Variants in RYR3 observed in about 807,000 individuals in gnomAD.
RYR3 encodes the protein ryanodine receptor 3, also known as brain ryanodine receptor-calcium release channel.
Under a neutral mutation model 584.3 loss-of-function variants are expected in RYR3, and 207 were observed. The ratio of observed to expected loss-of-function variants is 0.35; its 90% CI spans 0.32 to 0.40. RYR3 has a LOEUF of 0.40. Among genes scored for constraint, RYR3 ranks in the 10% least tolerant of loss-of-function variants. RYR3 has a pLI of 1.00. For missense variants in RYR3, 5,616 were observed against 6,089.2 expected (o/e 0.92, Z 2.59); for synonymous variants, 2,416 against 2,248.5 (o/e 1.07, Z -2.11).
Position 33,634,474 on chromosome 15 carries a change from T to C in RYR3, c.3028-112T>C, listed in dbSNP as rs1247744758. ...GTGAAGGCACTGAGGGAAGGGCTAA[T>C]AGACCTAGAGCGACCAGAAAGCCAG... On this transcript the variant is annotated intron_variant, in intron 24 of 103. Transcript: ENST00000634891. 4.0e-6 allele frequency: 4 copies of C among 1,004,370 alleles called. No homozygotes were observed. The African/African-American group carries it at 6.4e-5, about 16-fold the overall frequency. The allele number at this position is 1,004,370 out of a possible 1,614,324, so 62.2% of individuals were successfully genotyped here. A position where few individuals can be genotyped will look rare whatever the true frequency, so the allele number is the denominator to read the frequency against.
At chr15:33,410,579 C>G (rs1260848405) in intron 1 of RYR3, among the ~76,000 whole-genome samples, 2 of 152,220 alleles carry the variant, frequency 1.3e-5, no homozygotes, top group Non-Finnish European at 2.9e-5. Flanking sequence ...TCTGTGTGTA[C>G]TTGATTGCCT....
At chr15:33,396,572 A>G (rs1171320364) in intron 1 of RYR3, among the ~76,000 whole-genome samples, 2 of 152,208 alleles carry the variant, frequency 1.3e-5, no homozygotes, top group Admixed American at 6.5e-5. Flanking sequence ...AGGTTGGTGC[A>G]AAGGTAACTG....
chr15:33,540,945 A>G (rs1384568451), intron 7 of RYR3, 55 bp downstream of exon 7: 4 of 1,124,678 alleles, frequency 3.6e-6, no homozygotes, highest in Non-Finnish European at 5.4e-6. Flanking sequence ...CTTGAGCTGT[A>G]TACATTGACA....
intron 1 of RYR3, among the ~76,000 whole-genome samples, chr15:33,345,106 T>C (rs768326296): frequency 6.6e-6 from 1 of 152,176 alleles, no homozygotes; most frequent in Non-Finnish European, 1.5e-5. Flanking sequence ...TCTTTTTCTT[T>C]TTTTTGCAAG....
At chr15:33,402,399 A>T (rs907819198) in intron 1 of RYR3, among the ~76,000 whole-genome samples, 1 of 152,202 alleles carries the variant, frequency 6.6e-6, no homozygotes. Context: ...TCTCTCCCCA[A>T]ATACTTGAGG....
At chr15:33,824,770 G>A (rs2077287256) in intron 81 of RYR3, among the ~76,000 whole-genome samples, 1 of 152,186 alleles carries the variant, frequency 6.6e-6, no homozygotes, top group Non-Finnish European at 1.5e-5. Context: ...GAGTCTTAAT[G>A]GACTTAGCCA....
At chr15:33,684,752 C>G (rs2064871935) in intron 38 of RYR3, among the ~76,000 whole-genome samples, 1 of 152,244 alleles carries the variant, frequency 6.6e-6, no homozygotes, top group Non-Finnish European at 1.5e-5. Flanking sequence ...CAATGGATCT[C>G]TCAGCAGAAA....
At position 33,789,285 on chromosome 15, in the gene RYR3, G is replaced by C. The variant is rs369977145; in HGVS notation, c.9830+827G>C. ...CTCTGAGTCAGATAACAAGCCCCTG[G>C]AGATTCTGAGGGAGTCTGTAATGTG... On this transcript the variant is annotated intron_variant, in intron 67 of 103. Coordinates refer to ENST00000634891, the MANE Select transcript of RYR3 (RefSeq NM_001036.6). 6.4e-4 allele frequency among the ~76,000 whole-genome samples: 98 copies of C among 152,172 alleles called. 1 individual carries two copies. The South Asian group carries it at 0.02, about 31-fold the overall frequency.
chr15:33,839,034 G>C, intron 89 of RYR3, 76 bp downstream of exon 89: 2 of 1,511,452 alleles, frequency 1.3e-6, no homozygotes, highest in Non-Finnish European at 1.8e-6. Flanking sequence ...AATCAGTACT[G>C]ACACCATTTC....
In RYR3 at chr15:33,838,043, G is replaced by A. The variant is rs768527476; in HGVS notation, c.12063G>A (p.Val4021=). Residue 4021 remains valine, a synonymous_variant, in exon 89 of 104, where the codon GTG becomes GTA. Coordinates refer to ENST00000634891, the MANE Select transcript of RYR3 (RefSeq NM_001036.6). ...LKCLLDPAES[V]LNYFEPYLGR... ...GTCTGTTGGACCCAGCAGAAAGTGT[G>A]CTAAATTACTTCGAACCCTACCTAG... 1.2e-6 allele frequency: 2 copies of A among 1,613,986 alleles called. No individual in the cohort carries two copies.
At chr15:33,711,888 G>T (rs2067146935) in intron 43 of RYR3, among the ~76,000 whole-genome samples, 1 of 152,020 alleles carries the variant, frequency 6.6e-6, no homozygotes, top group Non-Finnish European at 1.5e-5. Context: ...ACATTTTCAG[G>T]TATCTTTATA....
At position 33,838,535 on chromosome 15, in the gene RYR3, C is replaced by T; in HGVS notation, c.12555C>T (p.Phe4185=). 1 of 1,613,962 alleles carries T rather than the reference C, an allele frequency of 6.2e-7. No individual in the cohort carries two copies. The highest frequency in any genetic ancestry group is 1.1e-5 in the South Asian group (1 of 91,070). Residue 4185 remains phenylalanine (F), a synonymous_variant, in exon 89 of 104, where the codon TTC becomes TTT. Transcript: ENST00000634891. ...CGAAGGAGCTGGTGAAGGTGCTCTT[C>T]TCCTTTTTCTGGATGCTGTTCGTGG... ...MTAKELVKVL[F]SFFWMLFVGL...
At chr15:33,529,835 C>T (rs1411547380) in intron 3 of RYR3, among the ~76,000 whole-genome samples, 2 of 152,114 alleles carry the variant, frequency 1.3e-5, no homozygotes, top group Admixed American at 6.6e-5. Flanking sequence ...TATCATGTAC[C>T]ATTCAGTTCA....
chr15:33,432,550 A>T (rs2045261359), intron 1 of RYR3, among the ~76,000 whole-genome samples: 2 of 151,158 alleles, frequency 1.3e-5, no homozygotes, highest in Non-Finnish European at 2.9e-5. Flanking sequence ...CGAATTTTTG[A>T]CCACAGAGAC....
intron 31 of RYR3, 78 bp downstream of exon 31, chr15:33,649,313 A>T: frequency 7.3e-7 from 1 of 1,376,984 alleles, no homozygotes; most frequent in South Asian, 1.3e-5. Context: ...TCCACCCCAC[A>T]CCCAAAGAAG....
chr15:33,375,290 T>C (rs1680780530), intron 1 of RYR3, among the ~76,000 whole-genome samples: 1 of 152,180 alleles, frequency 6.6e-6, no homozygotes, highest in Non-Finnish European at 1.5e-5. Flanking sequence ...CAATTATTGT[T>C]ATTGCTGTTG....
chr15:33,382,883 G>A lies in RYR3; in HGVS notation c.51+71787G>A, dbSNP rs192433684. 1.1e-3 allele frequency among the ~76,000 whole-genome samples: 160 copies of A among 152,054 alleles called. 1 individual carries two copies. Among genetic ancestry groups the A allele is most frequent in the African/African-American group, 3.7e-3 (154 of 41,464 alleles). On this transcript the variant is annotated intron_variant, in intron 1 of 103. Transcript: ENST00000634891. ...TCCTTACATTTTAATGACAAGAGTC[G>A]TTTCATACCCTTTGGTAATATTTGA...
chr15:33,775,452 C>A (rs1358422794), intron 64 of RYR3, among the ~76,000 whole-genome samples: 1 of 152,090 alleles, frequency 6.6e-6, no homozygotes, highest in Non-Finnish European at 1.5e-5. Flanking sequence ...CTAAATCAGC[C>A]GTGTGTTTAG....
At chr15:33,539,484 A>T in intron 6 of RYR3, 22 bp downstream of exon 6, 1 of 1,459,854 alleles carries the variant, frequency 6.9e-7, no homozygotes, top group Non-Finnish European at 9.4e-7. Flanking sequence ...ATAATATAAG[A>T]GTCTTCTGTT....
Sources: allele counts gnomAD v4.1 joint callset (sites outside exome capture counted in the v4.1 genomes callset), GRCh38; gene constraint gnomAD v4.1.1; transcripts MANE v1.5; gene names NCBI Gene and HGNC (gene_info 2026-07-23, HGNC 2026-07-21).